Variants in DCAF1 observed in about 807,000 individuals in gnomAD.
DCAF1 encodes the protein DDB1- and CUL4-associated factor 1.
DCAF1 carries 15 observed loss-of-function variants against 128.0 expected under a neutral mutation model. The observed-to-expected ratio is 0.12, with a 90% CI of 0.08 to 0.18. DCAF1 has a LOEUF of 0.18. DCAF1 is among the 10% of genes least tolerant of loss of function. The pLI is 1.00. For missense variants in DCAF1, 988 were observed against 1,649.5 expected (o/e 0.60, Z 6.95); for synonymous variants, 610 against 603.0 (o/e 1.01, Z -0.17).
chr3:51,488,993 A>C (rs550854509), intron 2 of DCAF1, among the ~76,000 whole-genome samples: 2 of 152,324 alleles, frequency 1.3e-5, no homozygotes, highest in African/African-American at 2.4e-5. Flanking sequence ...AACACTCAAT[A>C]AACTAGGAAC....
intron 10 of DCAF1, among the ~76,000 whole-genome samples, chr3:51,430,805 A>G (rs996839629): frequency 3.9e-5 from 6 of 152,260 alleles, no homozygotes; most frequent in African/African-American, 9.6e-5. Flanking sequence ...ATTAAAACTG[A>G]TATTATTAAT....
intron 9 of DCAF1, among the ~76,000 whole-genome samples, chr3:51,438,278 GC>G: frequency 1.3e-5 from 2 of 152,182 alleles, no homozygotes; most frequent in South Asian, 4.2e-4. Flanking sequence ...TTTGTTGATT[GC>G]TTACGATATA....
chr3:51,505,025 G>C, the DCAF1 span, among the ~76,000 whole-genome samples: 1 of 152,068 alleles, frequency 6.6e-6, no homozygotes, highest in African/African-American at 2.4e-5. Flanking sequence ...ACTTTAGGGG[G>C]GCAAGGCAGG....
chr3:51,481,455 G>A (rs1189084342), intron 3 of DCAF1, among the ~76,000 whole-genome samples: 1 of 152,142 alleles, frequency 6.6e-6, no homozygotes, highest in African/African-American at 2.4e-5. Flanking sequence ...ACTTTGGGAG[G>A]CCGAGGTGGG....
At chr3:51,396,950 G>A (rs1259715970), downstream of DCAF1, 1 of 166,972 alleles carries the variant, frequency 6.0e-6, no homozygotes, top group Non-Finnish European at 1.5e-5. Flanking sequence ...AGAGCTGAGT[G>A]AGTCCTCTGC....
intron 6 of DCAF1, among the ~76,000 whole-genome samples, chr3:51,455,575 C>G (rs1702806853): frequency 6.6e-6 from 1 of 151,988 alleles, no homozygotes; most frequent in Non-Finnish European, 1.5e-5. Flanking sequence ...CACCACTTCA[C>G]TCTAGCCTGG....
chr3:51,403,982 A>G (rs2089928146), intron 23 of DCAF1, among the ~76,000 whole-genome samples: 1 of 152,264 alleles, frequency 6.6e-6, no homozygotes, highest in African/African-American at 2.4e-5. Flanking sequence ...TCATAAGCCA[A>G]AAAGAAAAAA....
chr3:51,438,244 C>A (rs1158550636), intron 9 of DCAF1, among the ~76,000 whole-genome samples: 1 of 152,024 alleles, frequency 6.6e-6, no homozygotes, highest in Non-Finnish European at 1.5e-5. Flanking sequence ...TAAGAGAATT[C>A]ATTCACTTAC....
At chr3:51,473,502 C>A (rs6789937) in intron 3 of DCAF1, among the ~76,000 whole-genome samples, 104,486 of 118,996 alleles carry the variant, frequency 0.88, 45,693 homozygotes, top group East Asian at 0.94. Flanking sequence ...AAAAAAAAAA[C>A]AAAAAACAAA....
intron 2 of DCAF1, among the ~76,000 whole-genome samples, chr3:51,493,549 C>G (rs1707897587): frequency 6.6e-6 from 1 of 152,066 alleles, no homozygotes; most frequent in Non-Finnish European, 1.5e-5. Context: ...AGTCCATCAT[C>G]AGATGAAGAG....
Position 51,420,066 on chromosome 3 carries a change from A to G in DCAF1, c.2904T>C (p.Asn968=), listed in dbSNP as rs575731790. 7 of 1,614,024 alleles carry G rather than the reference A, an allele frequency of 4.3e-6. No individual in the cohort carries two copies. In the East Asian group the frequency reaches 1.3e-4, roughly 31 times the overall value. The change falls in exon 15 of 25, where the codon AAT becomes AAC. Residue 968 remains asparagine (N), a synonymous_variant. Coordinates refer to ENST00000684031, the MANE Select transcript of DCAF1 (RefSeq NM_001387579.1). The surrounding 1 kb of genome is among the most constrained non-coding windows in gnomAD (Gnocchi z 6.5). ...GCCGCAACACTCTGATTTTCCTGCC[A>G]TTGCAGGGTGATGGCCTCTCTCTGA... ...SFIRERPSPC[N]GRKIRVLRQK...
intron 17 of DCAF1, among the ~76,000 whole-genome samples, chr3:51,417,405 T>G (rs1196760478): frequency 6.6e-6 from 1 of 151,570 alleles, no homozygotes; most frequent in Non-Finnish European, 1.5e-5. Flanking sequence ...AGTGACAGAA[T>G]GAGACCCCGT....
At chr3:51,482,614 A>T (rs1360424517) in intron 3 of DCAF1, among the ~76,000 whole-genome samples, 5 of 149,826 alleles carry the variant, frequency 3.3e-5, no homozygotes, top group African/African-American at 1.2e-4. Context: ...AAAATACAAA[A>T]ATTAGCCGGG....
intron 2 of DCAF1, among the ~76,000 whole-genome samples, chr3:51,484,575 A>C (rs1481033604): frequency 6.6e-6 from 1 of 152,168 alleles, no homozygotes; most frequent in Non-Finnish European, 1.5e-5. Context: ...ACATTTTTTT[A>C]AGCACAAAAT....
intron 2 of DCAF1, among the ~76,000 whole-genome samples, chr3:51,489,680 G>A (rs1707389931): frequency 6.6e-6 from 1 of 151,840 alleles, no homozygotes; most frequent in Non-Finnish European, 1.5e-5. Context: ...CCAGCTTCGG[G>A]GGAGGCTGAG....
In DCAF1 at chr3:51,398,559, T is replaced by TA; in HGVS notation, c.*209dup. The TA allele has an allele frequency of 1.6e-6, 1 of 608,362 alleles. No homozygotes were observed. The highest frequency in any genetic ancestry group is 2.9e-6 in the Non-Finnish European group (1 of 347,942). 37.7% of individuals were successfully genotyped at this position (608,362 alleles called of 1,614,324 possible). On this transcript the variant is annotated 3_prime_UTR_variant, in exon 25 of 25. Transcript: ENST00000684031. ...GATGTGGGGGGTGCAGAGTAGGGCC[T>TA]AGTCCCTGTTGTCATTTTTGTGGTG... is the stretch of plus-strand genomic sequence containing the variant.
At chr3:51,421,316 G>C (rs1202286992) in intron 14 of DCAF1, among the ~76,000 whole-genome samples, 1 of 152,144 alleles carries the variant, frequency 6.6e-6, no homozygotes, top group African/African-American at 2.4e-5. Context: ...GAGTGCAGTG[G>C]CGTGATCTTG....
At chr3:51,486,856 A>G (rs1372179556) in intron 2 of DCAF1, among the ~76,000 whole-genome samples, 1 of 150,318 alleles carries the variant, frequency 6.7e-6, no homozygotes, top group Non-Finnish European at 1.5e-5. Context: ...CTGGTCTCGA[A>G]CTCCTGACCT....
chr3:51,418,268 G>A, intron 16 of DCAF1, 70 bp from the exon 17 acceptor site: 2 of 1,520,974 alleles, frequency 1.3e-6, no homozygotes, highest in East Asian at 4.9e-5. Flanking sequence ...CCTGCCATTA[G>A]CATTTTTAAA....
Sources: gnomAD v4.1 joint callset for allele counts (sites outside exome capture counted in the v4.1 genomes callset) on GRCh38, gnomAD v4.1.1 for gene constraint, Gnocchi (gnomAD v3.1) non-coding constraint, MANE v1.5 for transcripts, NCBI Gene and HGNC (gene_info 2026-07-23, HGNC 2026-07-21) for gene names.